Variants in CELF1 observed in about 807,000 individuals in gnomAD.
CELF1 encodes the protein 50 kDa nuclear polyadenylated RNA-binding protein.
A neutral mutation model predicts 61.8 loss-of-function variants in CELF1; 10 were observed. The ratio of observed to expected loss-of-function variants is 0.16; its 90% confidence interval spans 0.10 to 0.27. The LOEUF is 0.27. CELF1 is among the 10% of genes least tolerant of loss of function. The pLI, the probability that CELF1 is intolerant of heterozygous loss-of-function variation, is 1.00. For synonymous variants in CELF1, 236 were observed against 225.1 expected, an observed-to-expected ratio of 1.05 and a Z score of -0.43; for missense variants, 380 against 639.1, an observed-to-expected ratio of 0.59 and a Z score of 4.37.
At chr11:47,529,654 G>C (rs890523624) in intron 1 of CELF1, among the ~76,000 whole-genome samples, 2 of 151,604 alleles carry the variant, frequency 1.3e-5, no homozygotes, top group Non-Finnish European at 2.9e-5. Context: ...GCGAGACTCC[G>C]ACTCGGGAAA....
At chr11:47,509,865 A>G (rs1179803890) in intron 1 of CELF1, among the ~76,000 whole-genome samples, 1 of 148,664 alleles carries the variant, frequency 6.7e-6, no homozygotes, top group African/African-American at 2.5e-5. Context: ...TATCTCTACT[A>G]AAAACACAAA....
At chr11:47,489,793 T>C (rs146911963) in intron 3 of CELF1, among the ~76,000 whole-genome samples, 1 of 152,290 alleles carries the variant, frequency 6.6e-6, no homozygotes, top group Non-Finnish European at 1.5e-5. Context: ...ATTGTACTTG[T>C]AATTCTCCTA....
chr11:47,545,963 T>A (rs2096934958), intron 1 of CELF1, among the ~76,000 whole-genome samples: 1 of 149,766 alleles, frequency 6.7e-6, no homozygotes, highest in South Asian at 2.1e-4. Flanking sequence ...CAGGCTGGAG[T>A]GCAGTGGTGC....
rs1005831896 is a variant in CELF1, at chr11:47,470,933, A to C, written c.*1297T>G. 2.0e-5 allele frequency: 3 copies of C among 152,246 alleles called. No homozygotes were observed. Among genetic ancestry groups the C allele is most frequent in the Non-Finnish European group, 2.9e-5 (2 of 68,054 alleles). The allele number at this position is 152,246 out of a possible 1,614,324, so 9.4% of individuals were successfully genotyped here. On this transcript the variant is annotated 3_prime_UTR_variant, in exon 15 of 15. Coordinates refer to ENST00000687097, the MANE Select transcript of CELF1 (RefSeq NM_001376376.1). ...AGCTAACTGTAGCACGAGGACAAAA[A>C]TGAACACGGTAATACTGAGGTAAAT... is the stretch of plus-strand genomic sequence containing the variant.
chr11:47,561,442 C>CA (rs35506289), intron 2 of CELF1, among the ~76,000 whole-genome samples: 63,600 of 73,176 alleles, frequency 0.87, 27,943 homozygotes, highest in South Asian at 0.96. Flanking sequence ...GACTCCGTCT[C>CA]AAAAAAAAAA....
intron 3 of CELF1, among the ~76,000 whole-genome samples, chr11:47,498,416 G>C (rs139583756): frequency 1.2e-4 from 18 of 152,292 alleles, no homozygotes; most frequent in Admixed American, 4.6e-4. Flanking sequence ...AAAACAGAGA[G>C]AGAAAGAGCT....
At chr11:47,480,069 C>T (rs1213617291) in intron 9 of CELF1, among the ~76,000 whole-genome samples, 1 of 151,474 alleles carries the variant, frequency 6.6e-6, no homozygotes, top group South Asian at 2.1e-4. Context: ...TCACACAGTC[C>T]ACTAGCACCC....
intron 8 of CELF1, 152 bp downstream of exon 8, chr11:47,483,301 A>T: frequency 3.0e-6 from 2 of 672,066 alleles, no homozygotes; most frequent in Non-Finnish European, 5.3e-6. Flanking sequence ...CAATACGTTA[A>T]TTTTAAAGAA....
chr11:47,506,633 G>A (rs903614135), intron 1 of CELF1, among the ~76,000 whole-genome samples: 8 of 152,216 alleles, frequency 5.3e-5, no homozygotes, highest in African/African-American at 1.7e-4. Context: ...TTTAGTGGGA[G>A]ATAAGCCTGC....
At chr11:47,510,275 T>C (rs2095008047) in intron 1 of CELF1, among the ~76,000 whole-genome samples, 1 of 152,202 alleles carries the variant, frequency 6.6e-6, no homozygotes, top group Non-Finnish European at 1.5e-5. Context: ...AAGCTCTTTA[T>C]TCTTAGTGTT....
chr11:47,502,293 CTT>C (rs1478664514), intron 1 of CELF1, among the ~76,000 whole-genome samples: 1 of 152,134 alleles, frequency 6.6e-6, no homozygotes, highest in African/African-American at 2.4e-5. Flanking sequence ...AAAGAGGGCA[CTT>C]CTTCTCAGGC....
intron 2 of CELF1, among the ~76,000 whole-genome samples, chr11:47,559,726 G>T (rs1216270415): frequency 6.6e-6 from 1 of 152,222 alleles, no homozygotes. Flanking sequence ...CAGAGGCCGG[G>T]CGCAGTGGCC....
chr11:47,493,278 C>T (rs548327583), intron 3 of CELF1, among the ~76,000 whole-genome samples: 2 of 150,536 alleles, frequency 1.3e-5, no homozygotes, highest in Admixed American at 6.7e-5. Context: ...GGGACAGTGA[C>T]TCACCTGAGG....
chr11:47,495,607 G>T lies in CELF1; in HGVS notation c.71+3846C>A, dbSNP rs578096145. Among the ~76,000 whole-genome samples, 11 of 152,280 alleles carry T rather than the reference G, an allele frequency of 7.2e-5. No individual in the cohort carries two copies. In the East Asian group the frequency reaches 2.1e-3, roughly 29 times the overall value. ...GAGAAGGGATCCGAAGAAAAGTCAT[G>T]TTGCAACCAAAGTTATAAGGTAGTT... On this transcript the variant is annotated intron_variant, in intron 3 of 14. Transcript: ENST00000687097.
intron 1 of CELF1, among the ~76,000 whole-genome samples, chr11:47,521,848 C>T (rs117953480): frequency 6.6e-6 from 1 of 152,076 alleles, no homozygotes; most frequent in East Asian, 1.9e-4. Flanking sequence ...ACAACAGGTT[C>T]ATCTGTTTAC....
intron 1 of CELF1, among the ~76,000 whole-genome samples, chr11:47,525,387 T>C (rs930646058): frequency 2.0e-5 from 3 of 152,204 alleles, no homozygotes; most frequent in Admixed American, 6.5e-5. Flanking sequence ...CAGAGTGAAT[T>C]TTCCAACAAT....
intron 6 of CELF1, among the ~76,000 whole-genome samples, chr11:47,485,820 G>A (rs1259623897): frequency 6.7e-6 from 1 of 148,880 alleles, no homozygotes. Context: ...CGCTCCCAAA[G>A]TGCTGGGATT....
rs538523220 is a variant in CELF1 at position 47,536,309 on chromosome 11, T to C, written c.-154+16683A>G. Among the ~76,000 whole-genome samples the C allele has an allele frequency of 2.9e-4, 44 of 152,276 alleles. No homozygotes were observed. The South Asian group carries it at 3.9e-3, about 14-fold the overall frequency. On this transcript the variant is annotated intron_variant, in intron 1 of 14. Transcript: ENST00000687097. ...TGAACCCGGGAGGCGGAGGTTGCAG[T>C]GAGCCAACATTGCACCACTGTACTC...
chr11:47,562,803 C>G (rs1041542244), intron 2 of CELF1, among the ~76,000 whole-genome samples: 2 of 151,860 alleles, frequency 1.3e-5, no homozygotes, highest in South Asian at 2.1e-4. Context: ...CTCCTGGGTT[C>G]AAGTGATTCT....
Sources: gnomAD v4.1 joint callset for allele counts (sites outside exome capture counted in the v4.1 genomes callset) on GRCh38, gnomAD v4.1.1 for gene constraint, MANE v1.5 for transcripts, NCBI Gene and HGNC (gene_info 2026-07-23, HGNC 2026-07-21) for gene names.